NRXN3: variants seen among roughly 807,000 people sequenced by gnomAD.
NRXN3 encodes the protein neurexin 3.
NRXN3 carries 32 observed loss-of-function variants against 137.6 expected under a neutral mutation model. The ratio of observed to expected loss-of-function variants is 0.23; its 90% CI spans 0.18 to 0.31. The LOEUF (loss-of-function observed/expected upper bound fraction) is 0.31, where lower values mean the gene tolerates loss of function less well. Among genes scored for constraint, NRXN3 ranks in the 10% least tolerant of loss-of-function variants. NRXN3 has a pLI of 1.00. For synonymous variants in NRXN3, 798 were observed against 784.5 expected (o/e 1.02, Z -0.29); for missense variants, 1,574 against 2,062.5 (o/e 0.76, Z 4.59).
intron 10 of NRXN3, among the ~76,000 whole-genome samples, chr14:78,895,401 C>A (rs753618244): frequency 6.6e-6 from 1 of 151,860 alleles, no homozygotes; most frequent in African/African-American, 2.4e-5. Context: ...CTGCATCTTC[C>A]TCACCTCTCT....
At chr14:79,473,689 C>T (rs1359271044) in intron 16 of NRXN3, among the ~76,000 whole-genome samples, 4 of 152,192 alleles carry the variant, frequency 2.6e-5, no homozygotes, top group Non-Finnish European at 5.9e-5. Flanking sequence ...GATGCAATTT[C>T]GTTTCCCATG....
At chr14:79,051,340 C>A (rs1480063097) in intron 15 of NRXN3, among the ~76,000 whole-genome samples, 2 of 152,132 alleles carry the variant, frequency 1.3e-5, no homozygotes, top group African/African-American at 4.8e-5. Context: ...TGAATTATCA[C>A]AACTCAACAA....
chr14:78,755,021 T>C (rs1158688116), intron 8 of NRXN3, among the ~76,000 whole-genome samples: 1 of 152,024 alleles, frequency 6.6e-6, no homozygotes, highest in Non-Finnish European at 1.5e-5. Context: ...GTTCCAAGCC[T>C]AGATGTCAAG....
intron 15 of NRXN3, among the ~76,000 whole-genome samples, chr14:79,381,198 G>A (rs147660090): frequency 1.2e-3 from 171 of 144,954 alleles, no homozygotes; most frequent in African/African-American, 4.1e-3. Context: ...TTCTTTTAAT[G>A]CGTTGAATGT....
chr14:78,314,424 C>T (rs1020082535), intron 4 of NRXN3, among the ~76,000 whole-genome samples: 2 of 152,286 alleles, frequency 1.3e-5, no homozygotes, highest in African/African-American at 2.4e-5. Flanking sequence ...CTACTCCACA[C>T]AGTCATTCAG....
chr14:78,578,278 G>C (rs1229476853), intron 4 of NRXN3, among the ~76,000 whole-genome samples: 1 of 152,162 alleles, frequency 6.6e-6, no homozygotes, highest in Non-Finnish European at 1.5e-5. Context: ...TGCAGAATTA[G>C]AATAGAATCG....
At chr14:78,959,913 C>A (rs1306479319) in intron 11 of NRXN3, among the ~76,000 whole-genome samples, 1 of 152,104 alleles carries the variant, frequency 6.6e-6, no homozygotes, top group African/African-American at 2.4e-5. Flanking sequence ...TCTCTCCTGA[C>A]AGTGAGTTCG....
intron 15 of NRXN3, among the ~76,000 whole-genome samples, chr14:79,257,998 A>G (rs767101477): frequency 3.3e-5 from 5 of 152,078 alleles, no homozygotes; most frequent in Non-Finnish European, 7.4e-5. Flanking sequence ...TTTGAATCCC[A>G]GTGGTAAAGG....
chr14:78,937,662 G>A (rs184081845), intron 10 of NRXN3, among the ~76,000 whole-genome samples: 19 of 152,312 alleles, frequency 1.2e-4, no homozygotes, highest in African/African-American at 4.3e-4. Context: ...GATAGACTTT[G>A]AAATGGAAGA....
chr14:79,174,522 C>T (rs1328954650), intron 15 of NRXN3, among the ~76,000 whole-genome samples: 4 of 83,766 alleles, frequency 4.8e-5, no homozygotes, highest in South Asian at 4.8e-4. Flanking sequence ...TATATATACA[C>T]ACACATATAT....
chr14:79,530,709 A>G (rs971980024), intron 16 of NRXN3, among the ~76,000 whole-genome samples: 1 of 152,076 alleles, frequency 6.6e-6, no homozygotes, highest in African/African-American at 2.4e-5. Context: ...GTGGGAAACC[A>G]AGGAGGGGGA....
intron 15 of NRXN3, among the ~76,000 whole-genome samples, chr14:79,456,501 C>T (rs755530621): frequency 1.1e-4 from 16 of 152,212 alleles, no homozygotes; most frequent in South Asian, 4.1e-4. Flanking sequence ...CCAAGACGGG[C>T]GGATCACTTG....
At chr14:79,847,659 C>T (rs1440697385) in intron 20 of NRXN3, among the ~76,000 whole-genome samples, 1 of 152,164 alleles carries the variant, frequency 6.6e-6, no homozygotes, top group Admixed American at 6.5e-5. Flanking sequence ...ATGAGCTCAG[C>T]ACTCCTTGAT....
chr14:78,580,376 T>C (rs892689382), intron 4 of NRXN3, among the ~76,000 whole-genome samples: 5 of 152,162 alleles, frequency 3.3e-5, no homozygotes, highest in African/African-American at 7.2e-5. Flanking sequence ...TCAGCACTTA[T>C]CCTAAGTTGA....
intron 16 of NRXN3, among the ~76,000 whole-genome samples, chr14:79,510,184 A>G (rs911057087): frequency 6.6e-6 from 1 of 152,222 alleles, no homozygotes; most frequent in Admixed American, 6.5e-5. Context: ...AAGTTAAGTG[A>G]TAGCACTGTC....
At chr14:78,792,052 TAAA>T (rs201310723) in intron 8 of NRXN3, among the ~76,000 whole-genome samples, 1 of 149,646 alleles carries the variant, frequency 6.7e-6, no homozygotes, top group South Asian at 2.1e-4. Context: ...ACAATAAAGT[TAAA>T]AAAAGGAAAA....
chr14:78,747,765 G>T (rs1159519935), intron 8 of NRXN3, among the ~76,000 whole-genome samples: 1 of 152,066 alleles, frequency 6.6e-6, no homozygotes, highest in Non-Finnish European at 1.5e-5. Flanking sequence ...CACACAATCG[G>T]CCTCTCTTAA....
At chr14:79,636,853 A>T (rs1374567079) in intron 16 of NRXN3, among the ~76,000 whole-genome samples, 2 of 152,222 alleles carry the variant, frequency 1.3e-5, no homozygotes, top group Non-Finnish European at 2.9e-5. Context: ...TGGAAAGAAC[A>T]CTTGAGAACC....
chr14:79,406,420 G>A lies in NRXN3; in HGVS notation c.3263-60801G>A, dbSNP rs951560407. Among the ~76,000 whole-genome samples the A allele has an allele frequency of 3.3e-5, 5 of 151,988 alleles. No individual in the cohort carries two copies. The East Asian group carries it at 9.7e-4, about 30-fold the overall frequency. ...CCTGGGCTCAGATCCTTCCACCTCA[G>A]CCTCCTGAGTAGCTGGGATCACAGT... On this transcript the variant is annotated intron_variant, in intron 15 of 20. Transcript: ENST00000335750.
Sources: allele counts gnomAD v4.1 joint callset (sites outside exome capture counted in the v4.1 genomes callset), GRCh38; gene constraint gnomAD v4.1.1; transcripts MANE v1.5; gene names NCBI Gene and HGNC (gene_info 2026-07-23, HGNC 2026-07-21).